The following OTOGL variants were observed in gnomAD, a reference collection of about 807,000 sequenced individuals.
The protein encoded by OTOGL is otogelin like.
OTOGL carries 285 observed loss-of-function variants against 318.5 expected under a neutral mutation model. The ratio of observed to expected loss-of-function variants is 0.89; its 90% confidence interval spans 0.81 to 0.99. OTOGL has a LOEUF of 0.99. Ranked by LOEUF, OTOGL falls within the 50% of genes least tolerant of loss-of-function variation. The pLI is 0.00. For synonymous variants in OTOGL, 987 were observed against 936.5 expected (o/e 1.05, Z -0.99); for missense variants, 2,899 against 2,845.6 (o/e 1.02, Z -0.43).
intron 4 of OTOGL, among the ~76,000 whole-genome samples, chr12:80,213,653 A>G (rs1293136441): frequency 6.6e-6 from 1 of 152,204 alleles, no homozygotes; most frequent in East Asian, 1.9e-4. Context: ...AATTGGGGTT[A>G]TACTGTTGTC....
At chr12:80,305,826 A>G in intron 29 of OTOGL, 131 bp downstream of exon 29, 1 of 767,138 alleles carries the variant, frequency 1.3e-6, no homozygotes, top group Middle Eastern at 4.2e-4. Flanking sequence ...GCTGATAAAC[A>G]TTCATATTTA....
intron 1 of OTOGL, among the ~76,000 whole-genome samples, chr12:80,151,056 C>T (rs1872753256): frequency 6.6e-6 from 1 of 152,052 alleles, no homozygotes; most frequent in African/African-American, 2.4e-5. Context: ...TTTGAGATTT[C>T]TCTAAAGTCT....
At position 80,254,486 on chromosome 12, in the gene OTOGL, C is replaced by T. The variant is rs773524046; in HGVS notation, c.1395-38C>T. On this transcript the variant is annotated intron_variant, in intron 14 of 58. Coordinates refer to ENST00000547103, the MANE Select transcript of OTOGL (RefSeq NM_001378609.3). ...TGATGCAAACATTAATACAGTTTCT[C>T]TATGCCAATAGATTAATATTTTTAT... The T allele has an allele frequency of 3.1e-5, 47 of 1,536,914 alleles. No homozygotes were observed. In the East Asian group the frequency reaches 7.3e-4, roughly 24 times the overall value.
intron 4 of OTOGL, among the ~76,000 whole-genome samples, chr12:80,214,984 T>A: frequency 6.6e-6 from 1 of 152,104 alleles, no homozygotes; most frequent in Non-Finnish European, 1.5e-5. Context: ...ATAAATAGGA[T>A]GTTGTTGTAG....
intron 7 of OTOGL, among the ~76,000 whole-genome samples, chr12:80,224,156 T>G (rs141939719): frequency 6.6e-6 from 1 of 152,298 alleles, no homozygotes; most frequent in Non-Finnish European, 1.5e-5. Context: ...GGCTAGCCAA[T>G]TATCCCAGCA....
At chr12:80,327,315 C>T (rs1887737369) in intron 35 of OTOGL, among the ~76,000 whole-genome samples, 1 of 152,140 alleles carries the variant, frequency 6.6e-6, no homozygotes, top group African/African-American at 2.4e-5. Flanking sequence ...CTTCTGTGCT[C>T]CAAACAAGGA....
chr12:80,113,479 T>G (rs987328169), intron 1 of OTOGL, among the ~76,000 whole-genome samples: 2 of 152,158 alleles, frequency 1.3e-5, no homozygotes, highest in African/African-American at 4.8e-5. Flanking sequence ...TTCAAGTAAC[T>G]TATTTATTTC....
intron 2 of OTOGL, 75 bp downstream of exon 2, chr12:80,209,585 C>T (rs2137306037): frequency 9.6e-7 from 1 of 1,040,916 alleles, no homozygotes; most frequent in Non-Finnish European, 1.4e-6. Flanking sequence ...AAATAGTTTT[C>T]CCTTATAAAG....
chr12:80,296,949 T>G lies in OTOGL; in HGVS notation c.3051T>G (p.Thr1017=), dbSNP rs1377018120. 3.2e-6 allele frequency: 5 copies of G among 1,550,622 alleles called. No homozygotes were observed. In the Admixed American group the frequency reaches 9.1e-5, roughly 28 times the overall value. ...VGDTEIYLND[T]PYKQKQSGFF... is the part of the protein sequence containing the mutation. Reference sequence around the variant, plus strand: ...ACACTGAAATTTACCTGAATGATACTCCTTACAAACAGGTTAGTGAATTAT... The same window carrying G: ...ACACTGAAATTTACCTGAATGATACGCCTTACAAACAGGTTAGTGAATTAT... The change falls in exon 27 of 59, where the codon ACT becomes ACG. Residue 1017 remains threonine, a synonymous_variant. Transcript: ENST00000547103.
intron 55 of OTOGL, among the ~76,000 whole-genome samples, chr12:80,369,781 T>C (rs1890770506): frequency 6.6e-6 from 1 of 152,004 alleles, no homozygotes; most frequent in Admixed American, 6.6e-5. Flanking sequence ...GCCCCCACCA[T>C]GGCCAACCGT....
intron 1 of OTOGL, among the ~76,000 whole-genome samples, chr12:80,188,563 T>A (rs935372625): frequency 1.3e-5 from 2 of 149,384 alleles, no homozygotes; most frequent in African/African-American, 2.5e-5. Flanking sequence ...ATAATAATAA[T>A]AAATAAATAT....
chr12:80,143,458 C>T (rs1872088254), intron 1 of OTOGL, among the ~76,000 whole-genome samples: 1 of 152,150 alleles, frequency 6.6e-6, no homozygotes, highest in Non-Finnish European at 1.5e-5. Context: ...GACACACCTT[C>T]TTTCCCATTA....
intron 27 of OTOGL, among the ~76,000 whole-genome samples, chr12:80,298,820 A>G (rs1211549794): frequency 1.3e-5 from 2 of 152,198 alleles, no homozygotes; most frequent in East Asian, 1.9e-4. Flanking sequence ...GGTAAAGGCA[A>G]TAGATGAGGG....
chr12:80,108,936 G>GTGTATATATATATATATATA (rs1555268621), intron 1 of OTOGL, among the ~76,000 whole-genome samples: 14 of 128,228 alleles, frequency 1.1e-4, no homozygotes, highest in African/African-American at 4.5e-4. Context: ...ATATGTGTGT[G>GTGTATATATATATATATATA]TATATATATA....
Position 80,257,796 on chromosome 12 carries a change from G to A in OTOGL, c.1712-29G>A, listed in dbSNP as rs1882190169. ...CAGAACACCGTCTATGAATGTCAAA[G>A]CTGATTTACGTATGTTCTTTTCCTG... On this transcript the variant is annotated intron_variant, in intron 17 of 58. Transcript: ENST00000547103. 4 of 1,505,790 alleles carry A rather than the reference G, an allele frequency of 2.7e-6. No homozygotes were observed. In the East Asian group the frequency reaches 9.2e-5, roughly 34 times the overall value. 93.3% of individuals were successfully genotyped at this position (1,505,790 alleles called of 1,614,324 possible). A position where few individuals can be genotyped will look rare whatever the true frequency, so the allele number is the denominator to read the frequency against.
At chr12:80,260,006 T>C (rs1882397403) in intron 18 of OTOGL, among the ~76,000 whole-genome samples, 1 of 152,074 alleles carries the variant, frequency 6.6e-6, no homozygotes. Flanking sequence ...ATTTATTGTT[T>C]ATCTGTCTGG....
intron 1 of OTOGL, among the ~76,000 whole-genome samples, chr12:80,107,623 C>T (rs76515625): frequency 1.3e-5 from 2 of 152,074 alleles, no homozygotes; most frequent in Admixed American, 6.5e-5. Context: ...GAATATGAAT[C>T]ATTCTACCAT....
chr12:80,174,613 T>C (rs1004343237), intron 1 of OTOGL, among the ~76,000 whole-genome samples: 1 of 152,190 alleles, frequency 6.6e-6, no homozygotes, highest in African/African-American at 2.4e-5. Context: ...AAAGAAATTC[T>C]GTGTGAGAAC....
intron 1 of OTOGL, chr12:80,103,367 T>C: frequency 9.4e-7 from 1 of 1,063,080 alleles, no homozygotes; most frequent in Non-Finnish European, 1.4e-6. Flanking sequence ...TCGATCTTCT[T>C]TTCTTTTCTT....
Sources: gnomAD v4.1 joint callset for allele counts (sites outside exome capture counted in the v4.1 genomes callset) on GRCh38, gnomAD v4.1.1 for gene constraint, MANE v1.5 for transcripts, NCBI Gene and HGNC (gene_info 2026-07-23, HGNC 2026-07-21) for gene names.